CNTLN: variants seen among roughly 807,000 people sequenced by gnomAD.
CNTLN encodes the protein centlein.
Under a neutral mutation model 180.0 loss-of-function variants are expected in CNTLN, and 212 were observed. The observed-to-expected ratio is 1.18, with a 90% CI of 1.05 to 1.32. CNTLN has a LOEUF of 1.32. Among genes scored for constraint, CNTLN ranks in the 40% most tolerant of loss-of-function variants. CNTLN has a pLI of 0.00. For synonymous variants in CNTLN, 722 were observed against 563.1 expected (o/e 1.28, Z -3.99); for missense variants, 2,095 against 1,610.9 (o/e 1.30, Z -5.14).
the CNTLN span, among the ~76,000 whole-genome samples, chr9:17,518,482 T>G: frequency 6.6e-6 from 1 of 152,176 alleles, no homozygotes; most frequent in Non-Finnish European, 1.5e-5. Context: ...TTTTACCTCC[T>G]GGCAGAGGGA....
rs752042359 is a variant in CNTLN, at chr9:17,484,250, A to G, written c.3856-45A>G. ...TTTATGTTATTACTGCTTTGTCTTC[A>G]TTATGACTTTAATATAAGCTCAATT... On this transcript the variant is annotated intron_variant, in intron 23 of 25. Coordinates refer to ENST00000380647, the MANE Select transcript of CNTLN (RefSeq NM_017738.4). 3.5e-6 allele frequency: 5 copies of G among 1,442,566 alleles called. No homozygotes were observed. In the Admixed American group the frequency reaches 6.8e-5, roughly 20 times the overall value. The allele number at this position is 1,442,566 out of a possible 1,614,324, so 89.4% of individuals were successfully genotyped here. A position where few individuals can be genotyped will look rare whatever the true frequency, so the allele number is the denominator to read the frequency against.
intron 5 of CNTLN, among the ~76,000 whole-genome samples, chr9:17,264,803 T>C (rs1827283462): frequency 6.6e-6 from 1 of 152,010 alleles, no homozygotes; most frequent in South Asian, 2.1e-4. Context: ...TTTGAAGCGA[T>C]TGTGAATGTG....
At chr9:17,256,965 T>G (rs1826540448) in intron 5 of CNTLN, among the ~76,000 whole-genome samples, 1 of 151,834 alleles carries the variant, frequency 6.6e-6, no homozygotes. Flanking sequence ...TCCTATACAT[T>G]TTGTTTAACA....
At chr9:17,524,318 C>G in the CNTLN span, among the ~76,000 whole-genome samples, 232 of 152,286 alleles carry the variant, frequency 1.5e-3, 1 homozygote, top group African/African-American at 5.2e-3. Flanking sequence ...TACTACCAGT[C>G]TAAAAGCCTA....
At chr9:17,370,009 A>G (rs1360202924) in intron 13 of CNTLN, among the ~76,000 whole-genome samples, 1 of 151,882 alleles carries the variant, frequency 6.6e-6, no homozygotes, top group African/African-American at 2.4e-5. Flanking sequence ...AAGAAAATAC[A>G]CAGAGGAGAT....
At position 17,459,273 on chromosome 9, in the gene CNTLN, C is replaced by A. The variant is rs141939114; in HGVS notation, c.3306+1558C>A. 6.2e-3 allele frequency among the ~76,000 whole-genome samples: 938 copies of A among 151,880 alleles called. 15 individuals are homozygous for A. Among genetic ancestry groups the A allele is most frequent in the African/African-American group, 0.022 (896 of 41,512 alleles). On this transcript the variant is annotated intron_variant, in intron 19 of 25. Coordinates refer to ENST00000380647, the MANE Select transcript of CNTLN (RefSeq NM_017738.4). ...GGTAATAATAGATCCATATGAGTGT[C>A]TGTAAGTTCTTTGCATTATGGTTTT...
chr9:17,181,807 C>CA (rs2131732568), intron 2 of CNTLN, among the ~76,000 whole-genome samples: 2 of 152,264 alleles, frequency 1.3e-5, no homozygotes, highest in South Asian at 4.1e-4. Context: ...GGTGTATTCT[C>CA]ACCCTTTATT....
chr9:17,312,695 G>A (rs1168947269), intron 8 of CNTLN, among the ~76,000 whole-genome samples: 1 of 151,010 alleles, frequency 6.6e-6, no homozygotes, highest in African/African-American at 2.4e-5. Context: ...GAGCCACCAC[G>A]CCAGCCTGTA....
At chr9:17,316,206 G>A (rs1043468435) in intron 8 of CNTLN, among the ~76,000 whole-genome samples, 8 of 151,612 alleles carry the variant, frequency 5.3e-5, no homozygotes, top group South Asian at 2.1e-4. Context: ...ACCTTTAGTG[G>A]CAATTTTTGT....
chr9:17,245,066 C>T (rs147495794), intron 5 of CNTLN, among the ~76,000 whole-genome samples: 23 of 152,216 alleles, frequency 1.5e-4, no homozygotes, highest in East Asian at 7.7e-4. Context: ...ACTCCAGATA[C>T]GAGTAGTTTA....
intron 8 of CNTLN, among the ~76,000 whole-genome samples, chr9:17,317,994 G>A (rs750710462): frequency 1.3e-5 from 2 of 151,736 alleles, no homozygotes; most frequent in Non-Finnish European, 2.9e-5. Flanking sequence ...ATTCAGAAGA[G>A]TGGTGAGATC....
the CNTLN span, among the ~76,000 whole-genome samples, chr9:17,527,775 G>A: frequency 6.6e-6 from 1 of 152,028 alleles, no homozygotes; most frequent in Non-Finnish European, 1.5e-5. Flanking sequence ...ATTGGGGCAG[G>A]AAATATACAA....
chr9:17,366,138 T>G (rs554066231), intron 12 of CNTLN, among the ~76,000 whole-genome samples: 1 of 152,120 alleles, frequency 6.6e-6, no homozygotes, highest in African/African-American at 2.4e-5. Flanking sequence ...TATTTTTTAT[T>G]TTATGGAGAC....
intron 20 of CNTLN, among the ~76,000 whole-genome samples, chr9:17,463,678 G>C (rs58367658): frequency 0.058 from 8,736 of 151,538 alleles, 872 homozygotes; most frequent in African/African-American, 0.2. Flanking sequence ...AAAAAGCTTG[G>C]TTAATTTTTT....
At chr9:17,451,632 G>C (rs1830784700) in intron 18 of CNTLN, among the ~76,000 whole-genome samples, 1 of 152,090 alleles carries the variant, frequency 6.6e-6, no homozygotes, top group Admixed American at 6.5e-5. Context: ...TCAATATTGA[G>C]CGTCTCACCG....
intron 5 of CNTLN, among the ~76,000 whole-genome samples, chr9:17,254,779 A>C (rs2132303447): frequency 6.6e-6 from 1 of 151,710 alleles, no homozygotes; most frequent in South Asian, 2.1e-4. Flanking sequence ...GGGTTGCTTA[A>C]GATTTCATAT....
intron 3 of CNTLN, among the ~76,000 whole-genome samples, chr9:17,233,486 A>G (rs1036501357): frequency 5.3e-5 from 8 of 152,160 alleles, no homozygotes; most frequent in African/African-American, 1.9e-4. Context: ...AATGCCACTT[A>G]TTGTAACTAA....
chr9:17,200,778 C>T (rs889299499), intron 2 of CNTLN, among the ~76,000 whole-genome samples: 2 of 152,078 alleles, frequency 1.3e-5, no homozygotes, highest in African/African-American at 2.4e-5. Context: ...ATATCATCTG[C>T]AGAGACAATT....
chr9:17,373,193 T>C (rs1824471808), intron 13 of CNTLN, among the ~76,000 whole-genome samples: 1 of 152,132 alleles, frequency 6.6e-6, no homozygotes, highest in Non-Finnish European at 1.5e-5. Flanking sequence ...AAATTATCTT[T>C]ATTTGCCAAT....
Sources: gnomAD v4.1 joint callset for allele counts (sites outside exome capture counted in the v4.1 genomes callset) on GRCh38, gnomAD v4.1.1 for gene constraint, MANE v1.5 for transcripts, NCBI Gene and HGNC (gene_info 2026-07-23, HGNC 2026-07-21) for gene names.